The following XKR4 variants were observed in gnomAD, a reference collection of about 807,000 sequenced individuals.
XKR4 encodes the protein XK related 4, also known as XK-related protein 4.
Under a neutral mutation model 53.9 loss-of-function variants are expected in XKR4, and 12 were observed. The observed-to-expected ratio is 0.22, with a 90% CI of 0.14 to 0.36. XKR4 has a LOEUF of 0.36. XKR4 is among the 10% of genes least tolerant of loss of function. The pLI, the probability that XKR4 is intolerant of heterozygous loss-of-function variation, is 1.00. For synonymous variants in XKR4, 354 were observed against 362.4 expected (o/e 0.98, Z 0.26); for missense variants, 799 against 859.5 (o/e 0.93, Z 0.88).
chr8:55,460,427 A>G (rs1014732726), intron 2 of XKR4, among the ~76,000 whole-genome samples: 1 of 152,260 alleles, frequency 6.6e-6, no homozygotes, highest in African/African-American at 2.4e-5. Context: ...GCTTTAAATT[A>G]TGCATCAATA....
chr8:55,143,365 A>G (rs752097673), intron 1 of XKR4, among the ~76,000 whole-genome samples: 3 of 152,192 alleles, frequency 2.0e-5, no homozygotes, highest in Non-Finnish European at 4.4e-5. Flanking sequence ...TAATGATTTT[A>G]AAGTATAAAA....
chr8:55,307,410 G>T (rs984752719), intron 1 of XKR4, among the ~76,000 whole-genome samples: 3 of 152,162 alleles, frequency 2.0e-5, no homozygotes, highest in Admixed American at 1.3e-4. Context: ...CCAATACTTT[G>T]GGAGGCCAAG....
chr8:55,228,311 G>A (rs1473709692), intron 1 of XKR4, among the ~76,000 whole-genome samples: 3 of 151,946 alleles, frequency 2.0e-5, no homozygotes, highest in Non-Finnish European at 4.4e-5. Context: ...ATTTCACGAT[G>A]CAGTCCTTAA....
intron 1 of XKR4, among the ~76,000 whole-genome samples, chr8:55,169,055 T>C (rs1817112641): frequency 6.6e-6 from 1 of 152,242 alleles, no homozygotes; most frequent in Non-Finnish European, 1.5e-5. Flanking sequence ...GTCCAATTTT[T>C]ATCTTTCTAG....
intron 1 of XKR4, among the ~76,000 whole-genome samples, chr8:55,289,675 A>T (rs1585989790): frequency 2.2e-5 from 1 of 45,240 alleles, no homozygotes; most frequent in Non-Finnish European, 9.0e-5. Context: ...AAAGAAAAGA[A>T]AGAGAAAGAA....
intron 1 of XKR4, among the ~76,000 whole-genome samples, chr8:55,339,556 A>T (rs1375601844): frequency 1.3e-5 from 2 of 152,176 alleles, no homozygotes; most frequent in South Asian, 2.1e-4. Context: ...CTCAGTCACC[A>T]TTCATAGCCA....
chr8:55,448,307 A>G (rs1805374957), intron 2 of XKR4, among the ~76,000 whole-genome samples: 1 of 152,232 alleles, frequency 6.6e-6, no homozygotes, highest in Non-Finnish European at 1.5e-5. Context: ...CCAGAGAACA[A>G]GATGCGGTGT....
chr8:55,497,715 T>A (rs896280573), intron 2 of XKR4, among the ~76,000 whole-genome samples: 2 of 152,210 alleles, frequency 1.3e-5, no homozygotes, highest in African/African-American at 2.4e-5. Flanking sequence ...ATTTCGAGCC[T>A]GCTGGATTAT....
chr8:55,361,889 C>A (rs917701229), intron 2 of XKR4, among the ~76,000 whole-genome samples: 1 of 152,184 alleles, frequency 6.6e-6, no homozygotes, highest in African/African-American at 2.4e-5. Flanking sequence ...ACTCGTCCTG[C>A]AGAATTCAGT....
rs548923468 is a variant in XKR4 at position 55,163,445 on chromosome 8, C to T, written c.806+60151C>T. Among the ~76,000 whole-genome samples the T allele has an allele frequency of 2.0e-5, 3 of 152,312 alleles. No homozygotes were observed. In the East Asian group the frequency reaches 5.8e-4, roughly 29 times the overall value. On this transcript the variant is annotated intron_variant, in intron 1 of 2. Coordinates refer to ENST00000327381, the MANE Select transcript of XKR4 (RefSeq NM_052898.2). ...CTGCGTGGTTCCATATAGAATTTCA[C>T]TTCAATGTAGACTTCTAAATATTCC...
At chr8:55,248,832 C>T (rs1394737384) in intron 1 of XKR4, among the ~76,000 whole-genome samples, 2 of 152,032 alleles carry the variant, frequency 1.3e-5, no homozygotes, top group Non-Finnish European at 2.9e-5. Flanking sequence ...TGTCCCAGGG[C>T]AATGTGACAT....
At chr8:55,357,970 A>ACACAT in intron 2 of XKR4, 93 bp downstream of exon 2, 7 of 1,295,224 alleles carry the variant, frequency 5.4e-6, no homozygotes, top group Non-Finnish European at 7.5e-6. Flanking sequence ...CCCTTTGTTG[A>ACACAT]CACAGGCCTG....
Position 55,540,809 on chromosome 8 carries a change from T to C in XKR4, c.*16582T>C, listed in dbSNP as rs1482349210. The C allele has an allele frequency of 6.6e-6, 1 of 152,202 alleles. No homozygotes were observed. Among genetic ancestry groups the C allele is most frequent in the Admixed American group, 6.5e-5 (1 of 15,282 alleles). 9.4% of individuals were successfully genotyped at this position (152,202 alleles called of 1,614,324 possible). A position where few individuals can be genotyped will look rare whatever the true frequency, so the allele number is the denominator to read the frequency against. On this transcript the variant is annotated 3_prime_UTR_variant, in exon 3 of 3. Coordinates refer to ENST00000327381, the MANE Select transcript of XKR4 (RefSeq NM_052898.2). ...TTTGGATTGGAGTTTCTAGTAATGATAATTAATGCCATTTTACATGATAGC... is the reference window on the plus strand; with the variant it reads ...TTTGGATTGGAGTTTCTAGTAATGACAATTAATGCCATTTTACATGATAGC...
intron 2 of XKR4, among the ~76,000 whole-genome samples, chr8:55,382,855 C>G (rs1804255620): frequency 1.3e-5 from 2 of 152,022 alleles, no homozygotes; most frequent in African/African-American, 4.8e-5. Flanking sequence ...CAGGGAGAGT[C>G]CAATGTGTAG....
Position 55,453,224 on chromosome 8 carries a change from G to T in XKR4, c.1007-70057G>T, listed in dbSNP as rs1405770681. On this transcript the variant is annotated intron_variant, in intron 2 of 2. Coordinates refer to ENST00000327381, the MANE Select transcript of XKR4 (RefSeq NM_052898.2). ...ACCCCTTGGCTCCGCTTCCAGGAAG[G>T]CTGTGACCAGAGGCAGCAGAGCAGC... The T allele has an allele frequency of 2.4e-5, 12 of 491,666 alleles. 2 individuals are homozygous for T. The highest frequency in any genetic ancestry group is 6.1e-5 in the South Asian group (4 of 65,730). The allele number at this position is 491,666 out of a possible 1,614,324, so 30.5% of individuals were successfully genotyped here.
At chr8:55,366,847 G>C (rs1803996076) in intron 2 of XKR4, among the ~76,000 whole-genome samples, 1 of 151,972 alleles carries the variant, frequency 6.6e-6, no homozygotes, top group African/African-American at 2.4e-5. Context: ...CCTCACTCCT[G>C]CATCACTGCC....
At chr8:55,312,913 T>C (rs1441752208) in intron 1 of XKR4, among the ~76,000 whole-genome samples, 1 of 152,210 alleles carries the variant, frequency 6.6e-6, no homozygotes, top group East Asian at 1.9e-4. Flanking sequence ...AGATGTGGAC[T>C]CTGTCTCCTC....
chr8:55,402,881 C>T (rs1292017720), intron 2 of XKR4, among the ~76,000 whole-genome samples: 1 of 152,106 alleles, frequency 6.6e-6, no homozygotes, highest in African/African-American at 2.4e-5. Flanking sequence ...GGAGAGTGGG[C>T]CCACAGACCT....
intron 1 of XKR4, among the ~76,000 whole-genome samples, chr8:55,174,564 C>T (rs1256376677): frequency 6.6e-6 from 1 of 152,160 alleles, no homozygotes; most frequent in African/African-American, 2.4e-5. Flanking sequence ...AAAAATACAG[C>T]AACCACCTGG....
Sources: gnomAD v4.1 joint callset for allele counts (sites outside exome capture counted in the v4.1 genomes callset) on GRCh38, gnomAD v4.1.1 for gene constraint, MANE v1.5 for transcripts, NCBI Gene and HGNC (gene_info 2026-07-23, HGNC 2026-07-21) for gene names.